Variants in PTPRD observed in about 807,000 individuals in gnomAD.
PTPRD encodes the protein receptor-type tyrosine-protein phosphatase delta.
Under a neutral mutation model 214.5 loss-of-function variants are expected in PTPRD, and 34 were observed. That is an observed-to-expected ratio of 0.16 (90% confidence interval 0.12 to 0.21). The LOEUF is 0.21. Among genes scored for constraint, PTPRD ranks in the 10% least tolerant of loss-of-function variants. The probability of loss-of-function intolerance (pLI) is 1.00; values close to 1 mark genes in which losing one functional copy is unlikely to be tolerated. For synonymous variants in PTPRD, 1,128 were observed against 845.7 expected, an observed-to-expected ratio of 1.33 and a Z score of -5.79; for missense variants, 2,545 against 2,398.7, an observed-to-expected ratio of 1.06 and a Z score of -1.27.
chr9:9,623,054 G>A (rs981178227), intron 7 of PTPRD, among the ~76,000 whole-genome samples: 2 of 152,120 alleles, frequency 1.3e-5, no homozygotes, highest in African/African-American at 4.8e-5. Flanking sequence ...TACCAAATTG[G>A]GCTGGGGAGA....
chr9:8,878,141 A>G (rs2098410711), intron 11 of PTPRD, among the ~76,000 whole-genome samples: 1 of 152,188 alleles, frequency 6.6e-6, no homozygotes, highest in African/African-American at 2.4e-5. Flanking sequence ...GATATTACTT[A>G]TTTCTCAGGA....
intron 5 of PTPRD, among the ~76,000 whole-genome samples, chr9:9,894,263 G>A (rs987935710): frequency 6.6e-6 from 1 of 151,906 alleles, no homozygotes; most frequent in Non-Finnish European, 1.5e-5. Flanking sequence ...CTCAGCCCCA[G>A]ATTTCTTCTG....
intron 11 of PTPRD, among the ~76,000 whole-genome samples, chr9:8,790,481 G>C (rs147094837): frequency 6.6e-6 from 1 of 151,674 alleles, no homozygotes; most frequent in African/African-American, 2.4e-5. Context: ...GCAGTGGTGC[G>C]ATCTTGGCTC....
At chr9:10,444,744 C>A (rs1017940673) in intron 2 of PTPRD, among the ~76,000 whole-genome samples, 1 of 151,354 alleles carries the variant, frequency 6.6e-6, no homozygotes, top group Non-Finnish European at 1.5e-5. Flanking sequence ...AATTTAAATA[C>A]AATAAAGTGT....
intron 7 of PTPRD, among the ~76,000 whole-genome samples, chr9:9,714,787 G>A (rs986615929): frequency 6.6e-6 from 1 of 152,128 alleles, no homozygotes; most frequent in African/African-American, 2.4e-5. Context: ...GTTCAAGGCA[G>A]CAATGTTCCT....
chr9:10,433,601 G>A (rs2098697625), intron 2 of PTPRD, among the ~76,000 whole-genome samples: 1 of 151,842 alleles, frequency 6.6e-6, no homozygotes, highest in South Asian at 2.1e-4. Context: ...GTTACCACAT[G>A]GAAAACTTGT....
At chr9:9,768,594 G>C (rs1465539704) in intron 5 of PTPRD, among the ~76,000 whole-genome samples, 1 of 151,938 alleles carries the variant, frequency 6.6e-6, no homozygotes, top group African/African-American at 2.4e-5. Flanking sequence ...TGGCAGGGAC[G>C]AAATGAGGCA....
At chr9:10,153,515 A>AT (rs1271280679) in intron 3 of PTPRD, among the ~76,000 whole-genome samples, 1 of 150,686 alleles carries the variant, frequency 6.6e-6, no homozygotes, top group Non-Finnish European at 1.5e-5. Context: ...TATATTATAT[A>AT]TATATATGTT....
At chr9:10,171,812 C>T (rs2099209267) in intron 3 of PTPRD, among the ~76,000 whole-genome samples, 1 of 152,302 alleles carries the variant, frequency 6.6e-6, no homozygotes, top group Non-Finnish European at 1.5e-5. Context: ...CATGAGCCAC[C>T]GCGCCTGGCC....
At chr9:10,606,200 A>G (rs761240877) in intron 2 of PTPRD, among the ~76,000 whole-genome samples, 2 of 151,886 alleles carry the variant, frequency 1.3e-5, no homozygotes, top group Non-Finnish European at 2.9e-5. Flanking sequence ...AGACTTCCCT[A>G]GAAATCTGAT....
intron 9 of PTPRD, among the ~76,000 whole-genome samples, chr9:9,388,094 A>C (rs1162756569): frequency 6.6e-6 from 1 of 152,138 alleles, no homozygotes; most frequent in African/African-American, 2.4e-5. Context: ...ATTGAGTAGA[A>C]GTAGCTCTCA....
At chr9:10,546,290 A>G (rs2060155838) in intron 2 of PTPRD, among the ~76,000 whole-genome samples, 2 of 152,038 alleles carry the variant, frequency 1.3e-5, no homozygotes, top group African/African-American at 2.4e-5. Context: ...AAGCCTTGAT[A>G]TGTGATATTA....
chr9:10,259,779 G>C (rs1483855051), intron 3 of PTPRD, among the ~76,000 whole-genome samples: 1 of 152,122 alleles, frequency 6.6e-6, no homozygotes, highest in South Asian at 2.1e-4. Flanking sequence ...TGATCTGCCT[G>C]GTTCCTGTTA....
intron 22 of PTPRD, among the ~76,000 whole-genome samples, chr9:8,506,599 A>G (rs1342393292): frequency 1.3e-5 from 2 of 152,176 alleles, no homozygotes; most frequent in Non-Finnish European, 2.9e-5. Flanking sequence ...CCATTTTATT[A>G]TACGTCAAAT....
intron 2 of PTPRD, among the ~76,000 whole-genome samples, chr9:10,386,540 T>TGGAG (rs1236994472): frequency 2.6e-5 from 4 of 151,842 alleles, no homozygotes; most frequent in Non-Finnish European, 5.9e-5. Context: ...TTCACGCTAA[T>TGGAG]GGAGGGAAAG....
chr9:8,727,532 C>G (rs764965289), intron 12 of PTPRD, among the ~76,000 whole-genome samples: 1 of 152,160 alleles, frequency 6.6e-6, no homozygotes, highest in Admixed American at 6.5e-5. Context: ...AACATGGCTA[C>G]GTGTTTATCA....
At chr9:9,774,230 G>C (rs1279225989) in intron 5 of PTPRD, among the ~76,000 whole-genome samples, 1 of 152,174 alleles carries the variant, frequency 6.6e-6, no homozygotes, top group Non-Finnish European at 1.5e-5. Flanking sequence ...CATGGAGTTT[G>C]ATTTTAATTT....
chr9:9,269,455 A>T (rs990333296), intron 9 of PTPRD, among the ~76,000 whole-genome samples: 1 of 151,242 alleles, frequency 6.6e-6, no homozygotes, highest in Non-Finnish European at 1.5e-5. Flanking sequence ...GGTTCCTCAA[A>T]AAAAATAAAA....
At chr9:10,194,337 TATATATATAGAGAG>T (rs2099387777) in intron 3 of PTPRD, among the ~76,000 whole-genome samples, 3 of 70,638 alleles carry the variant, frequency 4.2e-5, no homozygotes, top group Non-Finnish European at 8.3e-5. Context: ...TATATATATA[TATATATATAGAGAG>T]AGAGAGAGAG....
Sources: gnomAD v4.1 joint callset for allele counts (sites outside exome capture counted in the v4.1 genomes callset) on GRCh38, gnomAD v4.1.1 for gene constraint, MANE v1.5 for transcripts, NCBI Gene and HGNC (gene_info 2026-07-23, HGNC 2026-07-21) for gene names.